Variants in SLC36A4 observed in about 807,000 individuals in gnomAD.
The protein encoded by SLC36A4 is solute carrier family 36 member 4.
Under a neutral mutation model 50.5 loss-of-function variants are expected in SLC36A4, and 49 were observed. That is an observed-to-expected ratio of 0.97 (90% CI 0.77 to 1.23). SLC36A4 has a LOEUF of 1.23. Among genes scored for constraint, SLC36A4 ranks in the 50% most tolerant of loss-of-function variants. SLC36A4 has a pLI of 0.00. For missense variants in SLC36A4, 611 were observed against 608.4 expected, an observed-to-expected ratio of 1.00 and a Z score of -0.05; for synonymous variants, 207 against 206.5, an observed-to-expected ratio of 1.00 and a Z score of -0.02.
intron 10 of SLC36A4, among the ~76,000 whole-genome samples, chr11:93,150,052 T>C (rs1415776301): frequency 6.6e-6 from 1 of 152,116 alleles, no homozygotes; most frequent in African/African-American, 2.4e-5. Flanking sequence ...TGGCGCTTTC[T>C]TGATCTTATC....
At chr11:93,168,844 C>T (rs373213320) in intron 6 of SLC36A4, among the ~76,000 whole-genome samples, 33 of 152,032 alleles carry the variant, frequency 2.2e-4, no homozygotes, top group Middle Eastern at 3.4e-3. Context: ...TCCTATAACC[C>T]AATTTTCAGA....
At chr11:93,192,152 C>G (rs1862241484) in intron 1 of SLC36A4, among the ~76,000 whole-genome samples, 1 of 152,102 alleles carries the variant, frequency 6.6e-6, no homozygotes, top group Non-Finnish European at 1.5e-5. Context: ...TAAGGAGAAA[C>G]ACAAGGATTG....
At chr11:93,193,287 CAG>C (rs1390191528) in intron 1 of SLC36A4, among the ~76,000 whole-genome samples, 11 of 151,930 alleles carry the variant, frequency 7.2e-5, no homozygotes, top group Non-Finnish European at 1.5e-4. Context: ...ACATAGTAAA[CAG>C]AGTTAAGAAT....
chr11:93,177,143 T>G (rs1226627967), intron 6 of SLC36A4, among the ~76,000 whole-genome samples: 1 of 152,202 alleles, frequency 6.6e-6, no homozygotes, highest in Non-Finnish European at 1.5e-5. Context: ...TTGGAGGCTT[T>G]GTTCGTTTCT....
At chr11:93,179,121 A>G (rs1041594322) in intron 6 of SLC36A4, among the ~76,000 whole-genome samples, 1 of 152,212 alleles carries the variant, frequency 6.6e-6, no homozygotes. Flanking sequence ...AATCAAACAA[A>G]AGGATTAAAC....
intron 1 of SLC36A4, among the ~76,000 whole-genome samples, chr11:93,186,531 T>C (rs1861989194): frequency 6.6e-6 from 1 of 152,204 alleles, no homozygotes; most frequent in African/African-American, 2.4e-5. Context: ...CTTAATTTTT[T>C]ACTATCTTGT....
chr11:93,170,870 T>G (rs1861103680), intron 6 of SLC36A4, among the ~76,000 whole-genome samples: 1 of 152,058 alleles, frequency 6.6e-6, no homozygotes, highest in African/African-American at 2.4e-5. Context: ...GGTTTCTACA[T>G]TTGTGTGGCA....
At chr11:93,189,855 A>C (rs1640804728) in intron 1 of SLC36A4, among the ~76,000 whole-genome samples, 1 of 152,198 alleles carries the variant, frequency 6.6e-6, no homozygotes, top group African/African-American at 2.4e-5. Flanking sequence ...TTGTAATGGC[A>C]TTATTGAAGA....
At chr11:93,181,462 T>C (rs1861728633) in intron 5 of SLC36A4, among the ~76,000 whole-genome samples, 1 of 152,078 alleles carries the variant, frequency 6.6e-6, no homozygotes, top group Non-Finnish European at 1.5e-5. Flanking sequence ...TACTGTAAAC[T>C]CATTTCATAC....
intron 6 of SLC36A4, among the ~76,000 whole-genome samples, chr11:93,172,145 GAAAAAAAT>G (rs1861175239): frequency 6.6e-6 from 1 of 151,788 alleles, no homozygotes; most frequent in Non-Finnish European, 1.5e-5. Flanking sequence ...AGGATATTTT[GAAAAAAAT>G]AATAAAATGA....
At chr11:93,180,191 T>C (rs1187000660) in intron 6 of SLC36A4, 95 of 984,254 alleles carry the variant, frequency 9.7e-5, no homozygotes, top group Non-Finnish European at 1.1e-4. Context: ...GTCATAAAAG[T>C]GCTTTATAGT....
chr11:93,194,191 C>A (rs1220402289), intron 1 of SLC36A4, among the ~76,000 whole-genome samples: 1 of 151,870 alleles, frequency 6.6e-6, no homozygotes, highest in Non-Finnish European at 1.5e-5. Context: ...CATTAGTGTG[C>A]TTTTCCTTCT....
intron 1 of SLC36A4, among the ~76,000 whole-genome samples, chr11:93,192,058 C>T (rs1862237940): frequency 6.6e-6 from 1 of 151,932 alleles, no homozygotes; most frequent in African/African-American, 2.4e-5. Context: ...AAAAATCCTG[C>T]CTTCATGGAG....
chr11:93,179,171 AAC>A (rs1861626378), intron 6 of SLC36A4, among the ~76,000 whole-genome samples: 1 of 152,078 alleles, frequency 6.6e-6, no homozygotes, highest in South Asian at 2.1e-4. Flanking sequence ...TTGTGCTATC[AAC>A]CAGGTACAGT....
chr11:93,161,801 T>C (rs1268752648), intron 9 of SLC36A4, among the ~76,000 whole-genome samples: 1 of 152,182 alleles, frequency 6.6e-6, no homozygotes, highest in Non-Finnish European at 1.5e-5. Context: ...ACCTTCCATC[T>C]TGTAAATAAG....
intron 2 of SLC36A4, chr11:93,185,296 C>T (rs1017970016): frequency 1.3e-5 from 2 of 154,704 alleles, no homozygotes; most frequent in African/African-American, 4.8e-5. Flanking sequence ...TGAGAAGTTA[C>T]TCAAATCTAT....
intron 1 of SLC36A4, among the ~76,000 whole-genome samples, chr11:93,193,627 G>T (rs959849168): frequency 6.6e-6 from 1 of 152,016 alleles, no homozygotes; most frequent in African/African-American, 2.4e-5. Context: ...ACACCATAGG[G>T]ATACATTAAT....
rs951334927 is a variant in SLC36A4, at chr11:93,146,505, T to C, written c.*2032A>G. 2 of 152,140 alleles carry C rather than the reference T, an allele frequency of 1.3e-5. No homozygotes were observed. The highest frequency in any genetic ancestry group is 2.4e-5 in the African/African-American group (1 of 41,584). The allele number at this position is 152,140 out of a possible 1,614,324, so 9.4% of individuals were successfully genotyped here. ...AAGTATCTCAAACAATTACTGTTGA[T>C]ACCTAATGTGAATGGTTAAAAAAGT... On this transcript the variant is annotated 3_prime_UTR_variant, in exon 11 of 11. Transcript: ENST00000326402.
At chr11:93,160,719 C>T (rs1363116825) in intron 9 of SLC36A4, 1 of 985,012 alleles carries the variant, frequency 1.0e-6, no homozygotes, top group Non-Finnish European at 1.2e-6. Flanking sequence ...TCCTTACATG[C>T]TTTTGTAAAT....
Sources: allele counts gnomAD v4.1 joint callset (sites outside exome capture counted in the v4.1 genomes callset), GRCh38; gene constraint gnomAD v4.1.1; transcripts MANE v1.5; gene names NCBI Gene and HGNC (gene_info 2026-07-23, HGNC 2026-07-21).